The following SULT4A1 variants were observed in gnomAD, a reference collection of about 807,000 sequenced individuals.
SULT4A1 encodes sulfotransferase family 4A member 1.
In SULT4A1, 11 loss-of-function variants were observed where a neutral mutation model predicts 35.2. The ratio of observed to expected loss-of-function variants is 0.31; its 90% CI spans 0.20 to 0.52. The LOEUF is 0.52. Ranked by LOEUF, SULT4A1 falls within the 20% of genes least tolerant of loss-of-function variation. SULT4A1 has a pLI of 0.97. For synonymous variants in SULT4A1, 152 were observed against 151.8 expected, an observed-to-expected ratio of 1.00 and a Z score of -0.01; for missense variants, 271 against 383.7, an observed-to-expected ratio of 0.71 and a Z score of 2.45.
chr22:43,852,832 G>C (rs1003693611), intron 1 of SULT4A1, among the ~76,000 whole-genome samples: 12 of 150,986 alleles, frequency 7.9e-5, no homozygotes, highest in African/African-American at 2.9e-4. Context: ...CATGCTGACA[G>C]AGACCCAGGA....
At chr22:43,826,391 C>T in intron 6 of SULT4A1, 4 of 984,900 alleles carry the variant, frequency 4.1e-6, no homozygotes, top group South Asian at 4.7e-5. Flanking sequence ...TTCCACACCC[C>T]CCGCTGGGGC....
At chr22:43,833,149 C>T (rs2148280124) in intron 5 of SULT4A1, among the ~76,000 whole-genome samples, 1 of 152,226 alleles carries the variant, frequency 6.6e-6, no homozygotes, top group African/African-American at 2.4e-5. Flanking sequence ...AGGCTCCAGC[C>T]CCAAGCCCTG....
At chr22:43,859,676 A>G (rs1283874585) in intron 1 of SULT4A1, among the ~76,000 whole-genome samples, 5 of 152,246 alleles carry the variant, frequency 3.3e-5, no homozygotes, top group Non-Finnish European at 7.3e-5. Context: ...CCTTCTCAGA[A>G]GACACAATGG....
intron 5 of SULT4A1, among the ~76,000 whole-genome samples, chr22:43,830,634 G>A (rs1250732500): frequency 5.3e-5 from 8 of 152,252 alleles, no homozygotes; most frequent in Admixed American, 3.3e-4. Context: ...GCAGGTACTA[G>A]CTGGCCACAC....
At chr22:43,833,154 G>A (rs2063336769) in intron 5 of SULT4A1, among the ~76,000 whole-genome samples, 1 of 151,988 alleles carries the variant, frequency 6.6e-6, no homozygotes. Flanking sequence ...CCAGCCCCAA[G>A]CCCTGCCTCT....
chr22:43,838,302 A>G (rs772796118), intron 4 of SULT4A1, among the ~76,000 whole-genome samples: 1 of 152,350 alleles, frequency 6.6e-6, no homozygotes, highest in South Asian at 2.1e-4. Context: ...AGAACAGCAC[A>G]TGGCACTCTC....
chr22:43,859,496 A>G (rs2049441524), intron 1 of SULT4A1, among the ~76,000 whole-genome samples: 1 of 152,252 alleles, frequency 6.6e-6, no homozygotes, highest in East Asian at 1.9e-4. Context: ...GGGGACGAGC[A>G]CCCAATTCAA....
At chr22:43,829,244 C>A in intron 5 of SULT4A1, 46 bp from the exon 6 acceptor site, 1 of 1,481,448 alleles carries the variant, frequency 6.8e-7, no homozygotes, top group Non-Finnish European at 9.0e-7. Flanking sequence ...AGAGGCGGGG[C>A]CTTTTACTGG....
At chr22:43,837,345 G>A (rs1394222772) in intron 4 of SULT4A1, among the ~76,000 whole-genome samples, 1 of 152,228 alleles carries the variant, frequency 6.6e-6, no homozygotes, top group Non-Finnish European at 1.5e-5. Flanking sequence ...GCTCTGGCCT[G>A]AGCAAGATGT....
At position 43,861,651 on chromosome 22, in the gene SULT4A1, G is replaced by A. The variant is rs138934299; in HGVS notation, c.169+563C>T. Among the ~76,000 whole-genome samples, 518 of 152,350 alleles carry A rather than the reference G, an allele frequency of 3.4e-3. 2 individuals carry two copies. Among genetic ancestry groups the A allele is most frequent in the African/African-American group, 0.012 (501 of 41,576 alleles). ...CCCAGGTCCTGCCTCGGTGATGGAGGCAGCCCTGAAACAAGAGAATGTACA... is the reference window on the plus strand; with the variant it reads ...CCCAGGTCCTGCCTCGGTGATGGAGACAGCCCTGAAACAAGAGAATGTACA... On this transcript the variant is annotated intron_variant, in intron 1 of 6. Coordinates refer to ENST00000330884, the MANE Select transcript of SULT4A1 (RefSeq NM_014351.4).
At chr22:43,845,244 C>T (rs562987468) in intron 1 of SULT4A1, among the ~76,000 whole-genome samples, 1 of 152,294 alleles carries the variant, frequency 6.6e-6, no homozygotes, top group Non-Finnish European at 1.5e-5. Flanking sequence ...AGCCCTGGTC[C>T]CCTGCCCCCA....
intron 1 of SULT4A1, among the ~76,000 whole-genome samples, chr22:43,850,921 C>T (rs952496545): frequency 6.6e-6 from 1 of 152,068 alleles, no homozygotes; most frequent in Non-Finnish European, 1.5e-5. Context: ...CCCTTTGCCC[C>T]AGTTTACTCA....
At chr22:43,828,256 C>T (rs1215522043) in intron 6 of SULT4A1, among the ~76,000 whole-genome samples, 1 of 152,246 alleles carries the variant, frequency 6.6e-6, no homozygotes, top group East Asian at 1.9e-4. Context: ...CAGGTTCATA[C>T]TTACCAACAG....
intron 1 of SULT4A1, among the ~76,000 whole-genome samples, chr22:43,852,560 G>A (rs1282685995): frequency 1.3e-5 from 2 of 151,892 alleles, no homozygotes; most frequent in Non-Finnish European, 2.9e-5. Flanking sequence ...ATCCAGGTGG[G>A]AACTGCCCCC....
chr22:43,829,031 C>T, intron 6 of SULT4A1, 29 bp downstream of exon 6: 1 of 1,492,020 alleles, frequency 6.7e-7, no homozygotes, highest in Non-Finnish European at 9.0e-7. Context: ...TGGGGAGTGC[C>T]TGGGCGGGAG....
chr22:43,841,072 T>A (rs2063423441), intron 2 of SULT4A1, among the ~76,000 whole-genome samples: 1 of 152,242 alleles, frequency 6.6e-6, no homozygotes, highest in Non-Finnish European at 1.5e-5. Flanking sequence ...AGCAGTGCCT[T>A]GAACGCGGTG....
chr22:43,841,648 C>A (rs1051130313), intron 2 of SULT4A1, among the ~76,000 whole-genome samples, 154 bp downstream of exon 2: 2 of 152,184 alleles, frequency 1.3e-5, no homozygotes, highest in Admixed American at 6.5e-5. Context: ...CAGGTCACTG[C>A]CAGCTCAGGC....
chr22:43,854,374 C>A (rs964477983), intron 1 of SULT4A1, among the ~76,000 whole-genome samples: 1 of 152,210 alleles, frequency 6.6e-6, no homozygotes, highest in East Asian at 1.9e-4. Flanking sequence ...TGGAGCACAG[C>A]TGCCCCCGCC....
chr22:43,831,576 T>C (rs914403276), intron 5 of SULT4A1, among the ~76,000 whole-genome samples: 7 of 151,956 alleles, frequency 4.6e-5, no homozygotes, highest in Admixed American at 2.0e-4. Context: ...CCGGCAACAC[T>C]GGATGGATGA....
Sources: allele counts gnomAD v4.1 joint callset (sites outside exome capture counted in the v4.1 genomes callset), GRCh38; gene constraint gnomAD v4.1.1; transcripts MANE v1.5; gene names NCBI Gene and HGNC (gene_info 2026-07-23, HGNC 2026-07-21).